The following FMN1 variants were observed in gnomAD, a reference collection of about 807,000 sequenced individuals.
The protein encoded by FMN1 is formin 1, also known as formin-1.
Under a neutral mutation model 132.4 loss-of-function variants are expected in FMN1, and 110 were observed. The ratio of observed to expected loss-of-function variants is 0.83; its 90% CI spans 0.71 to 0.97. FMN1 has a LOEUF of 0.97. FMN1 is among the 50% of genes least tolerant of loss of function. The pLI is 0.00. For missense variants in FMN1, 1,792 were observed against 1,705.3 expected (o/e 1.05, Z -0.90); for synonymous variants, 722 against 651.7 (o/e 1.11, Z -1.64).
chr15:33,066,974 T>C (rs371854362), intron 5 of FMN1: 4 of 1,613,954 alleles, frequency 2.5e-6, no homozygotes, highest in Admixed American at 1.7e-5. Flanking sequence ...CAAAGCTAAG[T>C]CCCCATCCTT....
chr15:32,812,388 T>C (rs973473737), intron 17 of FMN1, among the ~76,000 whole-genome samples: 2 of 152,244 alleles, frequency 1.3e-5, no homozygotes, highest in Non-Finnish European at 2.9e-5. Context: ...TTGTTTCCAA[T>C]TTCAATTTTT....
chr15:32,868,654 G>T (rs992384221), intron 16 of FMN1, among the ~76,000 whole-genome samples: 2 of 152,070 alleles, frequency 1.3e-5, no homozygotes, highest in African/African-American at 4.8e-5. Flanking sequence ...ACATGTAGAT[G>T]GAGGCAGGGG....
intron 7 of FMN1, among the ~76,000 whole-genome samples, chr15:32,991,452 G>A (rs533049106): frequency 6.6e-6 from 1 of 152,208 alleles, no homozygotes; most frequent in East Asian, 1.9e-4. Flanking sequence ...ACAACACTGT[G>A]GTGAAGGTAG....
chr15:33,003,006 A>G (rs1311946635), intron 7 of FMN1, among the ~76,000 whole-genome samples: 2 of 152,242 alleles, frequency 1.3e-5, no homozygotes, highest in African/African-American at 4.8e-5. Context: ...CTTTGACAAA[A>G]TTCAACAACA....
rs762118525 is a variant in FMN1, at chr15:32,968,996, G to A, written c.2705C>T (p.Pro902Leu). 1.1e-4 allele frequency: 119 copies of A among 1,131,560 alleles called. 2 individuals carry two copies. In the South Asian group the frequency reaches 1.4e-3, roughly 14 times the overall value. 70.1% of individuals were successfully genotyped at this position (1,131,560 alleles called of 1,614,324 possible). A position where few individuals can be genotyped will look rare whatever the true frequency, so the allele number is the denominator to read the frequency against. ...PPMPPVSAGP[P>L]LPPPPPPPPP... is the part of the protein sequence containing the mutation. ...CGGTGGAGGAGGCGGAGGTGGTAGC[G>A]GTGGCCCAGCACTCACAGGTGGCAT... Residue 902 changes from proline (P) to leucine (L), a missense_variant, in exon 8 of 21, where the codon CCG (proline) becomes CTG (leucine). Pro to Leu is a moderately conservative substitution (Grantham distance 98). This residue lies in a region of FMN1 where 1,150 missense variants were observed against 1,043.1 expected (regional missense o/e 1.10). Coordinates refer to ENST00000616417, the MANE Select transcript of FMN1 (RefSeq NM_001277313.2).
intron 19 of FMN1, among the ~76,000 whole-genome samples, chr15:32,787,657 G>A (rs1341830178): frequency 3.3e-5 from 5 of 152,108 alleles, no homozygotes; most frequent in Admixed American, 2.0e-4. Context: ...AGGCCAGCCT[G>A]GGCAACACAG....
intron 19 of FMN1, among the ~76,000 whole-genome samples, chr15:32,793,861 A>G (rs893023574): frequency 6.6e-6 from 1 of 152,254 alleles, no homozygotes; most frequent in African/African-American, 2.4e-5. Flanking sequence ...GTAGGAAAGC[A>G]GAATTCAATA....
intron 4 of FMN1, among the ~76,000 whole-genome samples, chr15:33,106,898 A>G (rs970891336): frequency 3.3e-5 from 5 of 151,866 alleles, no homozygotes; most frequent in Admixed American, 3.3e-4. Flanking sequence ...CATTCACTCC[A>G]TCTGTCATCT....
chr15:33,077,881 G>A (rs2038284618), intron 5 of FMN1, among the ~76,000 whole-genome samples: 1 of 151,076 alleles, frequency 6.6e-6, no homozygotes. Flanking sequence ...AAAGACACAT[G>A]AAAAAATGCT....
chr15:33,048,644 A>AAAACAAAAAAAACAAAAAC (rs1555388956), intron 6 of FMN1, among the ~76,000 whole-genome samples: 2 of 86,916 alleles, frequency 2.3e-5, no homozygotes, highest in African/African-American at 8.2e-5. Context: ...AAAAAAAAAA[A>AAAACAAAAAAAACAAAAAC]AAAAACCAAC....
chr15:33,151,160 C>A, intron 4 of FMN1: 1 of 1,474,124 alleles, frequency 6.8e-7, no homozygotes, highest in South Asian at 1.4e-5. Flanking sequence ...GGAACTCCCT[C>A]CCTCATGCCT....
intron 20 of FMN1, among the ~76,000 whole-genome samples, chr15:32,775,506 G>A (rs11853316): frequency 0.034 from 5,178 of 152,286 alleles, 287 homozygotes; most frequent in African/African-American, 0.12. Context: ...CTGAGGAAGA[G>A]GGAGAGGCTC....
chr15:33,182,877 G>A (rs954099677), intron 2 of FMN1, among the ~76,000 whole-genome samples: 1 of 152,156 alleles, frequency 6.6e-6, no homozygotes, highest in Non-Finnish European at 1.5e-5. Flanking sequence ...TTGTGGCAGG[G>A]ATTATGATAA....
chr15:32,886,260 T>TG (rs2059895201), intron 16 of FMN1, among the ~76,000 whole-genome samples: 2 of 152,046 alleles, frequency 1.3e-5, no homozygotes, highest in Non-Finnish European at 2.9e-5. Flanking sequence ...GTGTGTGAGG[T>TG]GGGGGGAGTC....
In FMN1 at chr15:32,773,042, CTCCAGTCCTCTTTCT is replaced by C. The variant is rs2056301983; in HGVS notation, c.*1253_*1267del. The C allele has an allele frequency of 1.3e-5, 2 of 152,224 alleles. No homozygotes were observed. The highest frequency in any genetic ancestry group is 2.9e-5 in the Non-Finnish European group (2 of 68,064). 9.4% of individuals were successfully genotyped at this position (152,224 alleles called of 1,614,324 possible). On this transcript the variant is annotated 3_prime_UTR_variant, in exon 21 of 21. Coordinates refer to ENST00000616417, the MANE Select transcript of FMN1 (RefSeq NM_001277313.2). ...GTCTTTGATCATATTGTCCATTCAT[CTCCAGTCCTCTTTCT>C]TCACCCCTCACAAGATTTCAGAGAC...
chr15:33,005,940 T>C (rs1358958253), intron 7 of FMN1, among the ~76,000 whole-genome samples: 1 of 152,170 alleles, frequency 6.6e-6, no homozygotes, highest in Non-Finnish European at 1.5e-5. Context: ...ACTTTTCCAC[T>C]TTTTTGTTTC....
chr15:32,822,515 AT>A (rs149831319), intron 17 of FMN1, among the ~76,000 whole-genome samples: 23 of 150,646 alleles, frequency 1.5e-4, no homozygotes, highest in South Asian at 4.2e-4. Context: ...TTATTACTCC[AT>A]TTTTTTTTCC....
At chr15:32,972,931 C>T (rs1424485499) in intron 7 of FMN1, among the ~76,000 whole-genome samples, 2 of 152,142 alleles carry the variant, frequency 1.3e-5, no homozygotes, top group Non-Finnish European at 2.9e-5. Context: ...TGCCTCATCG[C>T]CTCCAGTCAG....
intron 16 of FMN1, among the ~76,000 whole-genome samples, chr15:32,872,829 G>C (rs1291824914): frequency 1.3e-5 from 2 of 152,046 alleles, no homozygotes; most frequent in Non-Finnish European, 2.9e-5. Flanking sequence ...TTCAGCCCTC[G>C]CTGGTTAGTC....
Sources: gnomAD v4.1 joint callset for allele counts (sites outside exome capture counted in the v4.1 genomes callset) on GRCh38, gnomAD v4.1.1 for gene constraint, gnomAD v4.1.1 regional missense constraint, MANE v1.5 for transcripts, NCBI Gene and HGNC (gene_info 2026-07-23, HGNC 2026-07-21) for gene names.